Variants in CTPS2 observed in about 807,000 individuals in gnomAD.
The protein encoded by CTPS2 is CTP synthase II.
Under a neutral mutation model 46.8 loss-of-function variants are expected in CTPS2, and 19 were observed. That is an observed-to-expected ratio of 0.41 (90% CI 0.28 to 0.60). The LOEUF is 0.60. Among genes scored for constraint, CTPS2 ranks in the 20% least tolerant of loss-of-function variants. The probability of loss-of-function intolerance (pLI) is 0.35; values close to 1 mark genes in which losing one functional copy is unlikely to be tolerated. For missense variants in CTPS2, 286 were observed against 447.6 expected (o/e 0.64, Z 3.26); for synonymous variants, 151 against 165.2 (o/e 0.91, Z 0.66).
At chrX:16,655,998 G>T (rs1236429677) in intron 13 of CTPS2, among the ~76,000 whole-genome samples, 1 of 110,437 alleles carries the variant, frequency 9.1e-6, no homozygotes, top group Admixed American at 9.7e-5. Context: ...GTTTCACCAT[G>T]TTGGCCAGGC....
chrX:16,653,294 G>A (rs748276952), intron 13 of CTPS2, among the ~76,000 whole-genome samples: 19 of 111,368 alleles, frequency 1.7e-4, no homozygotes, highest in Middle Eastern at 4.2e-3. Context: ...AGGAAGTCCA[G>A]TAGTCAAAAA....
At chrX:16,685,867 C>CAAAA (rs397976604) in intron 8 of CTPS2, among the ~76,000 whole-genome samples, 3 of 24,455 alleles carry the variant, frequency 1.2e-4, no homozygotes, top group Non-Finnish European at 1.5e-4. Context: ...ACTCTGTCTC[C>CAAAA]AAAAAAAAAA....
chrX:16,678,915 A>G (rs1457315957), intron 9 of CTPS2, among the ~76,000 whole-genome samples: 2 of 110,881 alleles, frequency 1.8e-5, no homozygotes, highest in African/African-American at 3.3e-5. Context: ...AGAACTGAAC[A>G]CTGGAGGAAA....
At position 16,617,981 on chromosome X, in the gene CTPS2, A is replaced by G. The variant is rs756485683; in HGVS notation, c.1450-735T>C. Among the ~76,000 whole-genome samples, 11 of 112,042 alleles carry G rather than the reference A, an allele frequency of 9.8e-5. No homozygotes were observed. The South Asian group carries it at 3.8e-3, about 38-fold the overall frequency. Reference sequence around the variant, plus strand: ...CTTTAAGACATAATTCACATACCATACAATTCACCCATTTGAAATACACAA... The same window carrying G: ...CTTTAAGACATAATTCACATACCATGCAATTCACCCATTTGAAATACACAA... On this transcript the variant is annotated intron_variant, in intron 15 of 18. Coordinates refer to ENST00000359276, the MANE Select transcript of CTPS2 (RefSeq NM_175859.3).
intron 14 of CTPS2, among the ~76,000 whole-genome samples, chrX:16,631,480 C>T (rs1468107899): frequency 8.9e-6 from 1 of 111,980 alleles, no homozygotes; most frequent in South Asian, 3.7e-4. Context: ...GATCACACCA[C>T]TGCCCTTCAG....
intron 16 of CTPS2, among the ~76,000 whole-genome samples, chrX:16,614,307 C>G (rs900478551): frequency 9.0e-6 from 1 of 111,582 alleles, no homozygotes; most frequent in African/African-American, 3.3e-5. Context: ...GCTGAGAAAC[C>G]CTGGACAAGG....
chrX:16,709,595 A>G (rs1436124680), intron 1 of CTPS2, among the ~76,000 whole-genome samples: 1 of 111,103 alleles, frequency 9.0e-6, no homozygotes, highest in African/African-American at 3.3e-5. Flanking sequence ...TCACGCCTGT[A>G]ATCCCAACAC....
intron 17 of CTPS2, among the ~76,000 whole-genome samples, chrX:16,597,282 G>A (rs1381166161): frequency 9.0e-6 from 1 of 111,724 alleles, no homozygotes; most frequent in Non-Finnish European, 1.9e-5. Context: ...CCTATGTCCT[G>A]AATGGTAATG....
At chrX:16,645,469 C>G (rs910810022) in intron 13 of CTPS2, among the ~76,000 whole-genome samples, 2 of 110,984 alleles carry the variant, frequency 1.8e-5, no homozygotes, top group Non-Finnish European at 3.8e-5. Flanking sequence ...AGGCCGAGTA[C>G]ACACTATGCC....
intron 18 of CTPS2, 35 bp from the exon 19 acceptor site, chrX:16,589,810 A>T (rs1178563124): frequency 1.8e-5 from 2 of 112,556 alleles, no homozygotes; most frequent in Non-Finnish European, 3.7e-5. Context: ...TAGCAACACC[A>T]GGAACTGAAT....
intron 13 of CTPS2, among the ~76,000 whole-genome samples, chrX:16,656,616 G>A (rs1365471936): frequency 3.6e-5 from 4 of 111,261 alleles, no homozygotes; most frequent in East Asian, 2.8e-4. Flanking sequence ...GGGTTTCACC[G>A]TGTTAGCCAG....
At chrX:16,621,004 G>A (rs1207299349) in intron 14 of CTPS2, among the ~76,000 whole-genome samples, 1 of 111,885 alleles carries the variant, frequency 8.9e-6, no homozygotes, top group East Asian at 2.8e-4. Flanking sequence ...CAAATAATTG[G>A]AAGCAAGCTG....
intron 13 of CTPS2, among the ~76,000 whole-genome samples, chrX:16,652,147 A>T (rs1437282118): frequency 8.9e-6 from 1 of 111,946 alleles, no homozygotes; most frequent in Admixed American, 9.5e-5. Flanking sequence ...GTCAGATACA[A>T]GGACAGAGAG....
intron 13 of CTPS2, among the ~76,000 whole-genome samples, chrX:16,642,551 C>A (rs1043812926): frequency 6.3e-5 from 7 of 111,483 alleles, no homozygotes; most frequent in Admixed American, 1.9e-4. Flanking sequence ...AACCCCAACA[C>A]TCAGGAAGCG....
At position 16,677,900 on chromosome X, in the gene CTPS2, T is replaced by C. The variant is rs184471884; in HGVS notation, c.1094+462A>G. ...TTAGCATGTAACCAAGAAATAACCA[T>C]AAAAGGGGCAACCAGCAGCCCTCAG... On this transcript the variant is annotated intron_variant, in intron 10 of 18. Coordinates refer to ENST00000359276, the MANE Select transcript of CTPS2 (RefSeq NM_175859.3). Among the ~76,000 whole-genome samples, 138 of 111,690 alleles carry C rather than the reference T, an allele frequency of 1.2e-3. 1 individual carries two copies. Among genetic ancestry groups the C allele is most frequent in the Middle Eastern group, 4.6e-3 (1 of 217 alleles).
chrX:16,605,198 A>G (rs989259988), intron 17 of CTPS2, among the ~76,000 whole-genome samples: 6 of 111,812 alleles, frequency 5.4e-5, no homozygotes, highest in African/African-American at 2.0e-4. Flanking sequence ...GAAAATGCCT[A>G]TGTGACCAGC....
At position 16,625,923 on chromosome X, in the gene CTPS2, G is replaced by A. The variant is rs560486002; in HGVS notation, c.1394-5591C>T. Reference sequence around the variant, plus strand: ...TATAGTACAGGATAGGGGGCATGGCGGGCCAAAAGGCAACATTTGGGGGTG... The same window carrying A: ...TATAGTACAGGATAGGGGGCATGGCAGGCCAAAAGGCAACATTTGGGGGTG... On this transcript the variant is annotated intron_variant, in intron 14 of 18. Coordinates refer to ENST00000359276, the MANE Select transcript of CTPS2 (RefSeq NM_175859.3). 2.5e-4 allele frequency among the ~76,000 whole-genome samples: 28 copies of A among 111,297 alleles called. No homozygotes were observed. The South Asian group carries it at 0.011, about 43-fold the overall frequency.
rs776758815 is a variant in CTPS2 at position 16,680,934 on chromosome X, C to A, written c.1005+2160G>T. Among the ~76,000 whole-genome samples, 18 of 111,377 alleles carry A rather than the reference C, an allele frequency of 1.6e-4. No homozygotes were observed. The Admixed American group carries it at 1.7e-3, about 11-fold the overall frequency. ...GGCACGATGGCTCACGCTTGTAATCCCAACACTTTGGGAGGCCAAGGCAGG... is the reference window on the plus strand; with the variant it reads ...GGCACGATGGCTCACGCTTGTAATCACAACACTTTGGGAGGCCAAGGCAGG... On this transcript the variant is annotated intron_variant, in intron 9 of 18. Coordinates refer to ENST00000359276, the MANE Select transcript of CTPS2 (RefSeq NM_175859.3).
intron 8 of CTPS2, among the ~76,000 whole-genome samples, chrX:16,683,847 A>T (rs1333524328): frequency 8.9e-6 from 1 of 112,287 alleles, no homozygotes; most frequent in Non-Finnish European, 1.9e-5. Flanking sequence ...AAATGCATTC[A>T]AAGTGTCTAC....
Sources: gnomAD v4.1 joint callset for allele counts (sites outside exome capture counted in the v4.1 genomes callset) on GRCh38, gnomAD v4.1.1 for gene constraint, MANE v1.5 for transcripts, NCBI Gene and HGNC (gene_info 2026-07-23, HGNC 2026-07-21) for gene names.